LHFPL3: variants seen among roughly 807,000 people sequenced by gnomAD.
The protein encoded by LHFPL3 is LHFPL tetraspan subfamily member 3 protein.
Under a neutral mutation model 19.3 loss-of-function variants are expected in LHFPL3, and 5 were observed. The observed-to-expected ratio is 0.26, with a 90% CI of 0.14 to 0.54. The LOEUF is 0.54. Among genes scored for constraint, LHFPL3 ranks in the 20% least tolerant of loss-of-function variants. LHFPL3 has a pLI of 0.94. For missense variants in LHFPL3, 249 were observed against 307.4 expected (o/e 0.81, Z 1.42); for synonymous variants, 133 against 126.2 (o/e 1.05, Z -0.36).
At chr7:104,488,081 C>A (rs1793271265) in intron 1 of LHFPL3, among the ~76,000 whole-genome samples, 1 of 152,154 alleles carries the variant, frequency 6.6e-6, no homozygotes, top group Admixed American at 6.5e-5. Flanking sequence ...ATTGCAAACT[C>A]TACTGGCAAT....
At chr7:104,385,667 T>TTC (rs1554385308) in intron 1 of LHFPL3, among the ~76,000 whole-genome samples, 3 of 151,644 alleles carry the variant, frequency 2.0e-5, no homozygotes, top group Non-Finnish European at 2.9e-5. Context: ...CATGGCAATT[T>TTC]ATTCATTCAT....
chr7:104,547,242 CAAAAAAAAAAA>C (rs59524599), intron 1 of LHFPL3, among the ~76,000 whole-genome samples: 4 of 9,638 alleles, frequency 4.2e-4, no homozygotes, highest in East Asian at 6.6e-3. Context: ...GACTCCGTCT[CAAAAAAAAAAA>C]AAAAAAAAAA....
intron 2 of LHFPL3, among the ~76,000 whole-genome samples, chr7:104,737,974 CACTGTTTATGCGGGTAA>C (rs56368138): frequency 0.22 from 33,733 of 151,994 alleles, 4,023 homozygotes; most frequent in South Asian, 0.43. Context: ...TCTAGACCAT[CACTGTTTATGCGGGTAA>C]ACTGTTTATG....
chr7:104,637,360 G>A (rs1791747264), intron 1 of LHFPL3, among the ~76,000 whole-genome samples: 1 of 151,998 alleles, frequency 6.6e-6, no homozygotes, highest in Non-Finnish European at 1.5e-5. Flanking sequence ...AGTTTCTTTT[G>A]CCATGCAGAA....
At chr7:104,407,825 T>C (rs943353615) in intron 1 of LHFPL3, among the ~76,000 whole-genome samples, 2 of 152,208 alleles carry the variant, frequency 1.3e-5, no homozygotes, top group African/African-American at 4.8e-5. Context: ...TTATTTAAAT[T>C]ATTAGACTTT....
In LHFPL3 at chr7:104,558,604, G is replaced by A. The variant is rs796643469; in HGVS notation, c.446-178071G>A. On this transcript the variant is annotated intron_variant, in intron 1 of 2. Transcript: ENST00000424859. Reference sequence around the variant, plus strand: ...GCCCTTTGTCAGATAAGTAGGTTGCGAAAATTTTCTCCCGTTTTGTAGGTT... The same window carrying A: ...GCCCTTTGTCAGATAAGTAGGTTGCAAAAATTTTCTCCCGTTTTGTAGGTT... 2.1e-4 allele frequency among the ~76,000 whole-genome samples: 32 copies of A among 150,740 alleles called. No homozygotes were observed. The South Asian group carries it at 3.8e-3, about 18-fold the overall frequency.
Position 104,894,343 on chromosome 7 carries a change from C to T in LHFPL3, c.683-11844C>T, listed in dbSNP as rs572604911. ...AGTGCTCAGTAAAGGTAGCTATTAT[C>T]ATTATAGGGAACTCTTAACATCCAA... On this transcript the variant is annotated intron_variant, in intron 2 of 2. Transcript: ENST00000424859. Among the ~76,000 whole-genome samples, 3 of 152,314 alleles carry T rather than the reference C, an allele frequency of 2.0e-5. No homozygotes were observed. In the South Asian group the frequency reaches 6.2e-4, roughly 32 times the overall value.
At chr7:104,386,907 A>T (rs1025703157) in intron 1 of LHFPL3, among the ~76,000 whole-genome samples, 3 of 152,194 alleles carry the variant, frequency 2.0e-5, no homozygotes, top group African/African-American at 7.2e-5. Context: ...TGATTTTTAA[A>T]GCTGCCACAT....
At chr7:104,842,713 G>T (rs560986139) in intron 2 of LHFPL3, among the ~76,000 whole-genome samples, 31 of 152,284 alleles carry the variant, frequency 2.0e-4, no homozygotes, top group African/African-American at 5.5e-4. Context: ...TATTTGAAAT[G>T]ATTTCCTTTG....
intron 1 of LHFPL3, among the ~76,000 whole-genome samples, chr7:104,614,605 T>TCTCTTCTCTTCTCTC (rs1276165438): frequency 1.1e-4 from 13 of 122,684 alleles, no homozygotes; most frequent in South Asian, 3.1e-4. Context: ...TCTCTTCTCT[T>TCTCTTCTCTTCTCTC]CTCTTCTCTT....
chr7:104,845,820 C>A (rs1215696817), intron 2 of LHFPL3, among the ~76,000 whole-genome samples: 1 of 152,226 alleles, frequency 6.6e-6, no homozygotes, highest in African/African-American at 2.4e-5. Context: ...TCTGTACAAA[C>A]CTTGTCCTTT....
intron 1 of LHFPL3, among the ~76,000 whole-genome samples, chr7:104,389,007 G>A (rs186072904): frequency 1.3e-5 from 2 of 152,264 alleles, no homozygotes; most frequent in Admixed American, 6.5e-5. Flanking sequence ...TATCATACCA[G>A]AGGTTCTAGC....
rs542943607 is a variant in LHFPL3 at position 104,701,986 on chromosome 7, C to T, written c.446-34689C>T. On this transcript the variant is annotated intron_variant, in intron 1 of 2. Coordinates refer to ENST00000424859, the MANE Select transcript of LHFPL3 (RefSeq NM_199000.3). The stretch of plus-strand genomic sequence containing the variant: ...CATCAACCTGTCATCTACATTAATG[C>T]TAATGCTATTGGCATTTCTCCTAAT... Among the ~76,000 whole-genome samples, 3 of 152,272 alleles carry T rather than the reference C, an allele frequency of 2.0e-5. No homozygotes were observed. The South Asian group carries it at 6.2e-4, about 32-fold the overall frequency.
At chr7:104,539,241 G>C (rs1236347875) in intron 1 of LHFPL3, among the ~76,000 whole-genome samples, 1 of 152,080 alleles carries the variant, frequency 6.6e-6, no homozygotes, top group African/African-American at 2.4e-5. Context: ...TAATGAAGTG[G>C]GTATTCCACG....
intron 1 of LHFPL3, among the ~76,000 whole-genome samples, chr7:104,707,827 G>A (rs1341181814): frequency 1.3e-5 from 2 of 152,208 alleles, no homozygotes; most frequent in Non-Finnish European, 2.9e-5. Context: ...GAGGAGAAGA[G>A]ATACGTGTTT....
chr7:104,637,222 G>A (rs1791744890), intron 1 of LHFPL3, among the ~76,000 whole-genome samples: 1 of 151,980 alleles, frequency 6.6e-6, no homozygotes, highest in South Asian at 2.1e-4. Context: ...CTTTTTAATG[G>A]GGTTGTTTGG....
intron 1 of LHFPL3, among the ~76,000 whole-genome samples, chr7:104,529,676 G>A (rs539457649): frequency 2.2e-4 from 34 of 152,224 alleles, no homozygotes; most frequent in Admixed American, 2.0e-3. Flanking sequence ...TTGATTAATG[G>A]CACAGTTGGA....
At chr7:104,596,049 A>G (rs971449627) in intron 1 of LHFPL3, among the ~76,000 whole-genome samples, 1 of 144,942 alleles carries the variant, frequency 6.9e-6, no homozygotes, top group African/African-American at 2.6e-5. Flanking sequence ...GCTTTGGCTC[A>G]CCCTCCGTGG....
At chr7:104,563,689 G>T (rs10263556) in intron 1 of LHFPL3, among the ~76,000 whole-genome samples, 4,622 of 152,274 alleles carry the variant, frequency 0.03, 219 homozygotes, top group African/African-American at 0.11. Context: ...GTTCCTGTTC[G>T]GCCATCTTGG....
Sources: allele counts gnomAD v4.1 joint callset (sites outside exome capture counted in the v4.1 genomes callset), GRCh38; gene constraint gnomAD v4.1.1; transcripts MANE v1.5; gene names NCBI Gene and HGNC (gene_info 2026-07-23, HGNC 2026-07-21).